Variants in SPART observed in about 807,000 individuals in gnomAD.
SPART encodes spartin, also known as spastic paraplegia 20 (Troyer syndrome).
SPART carries 35 observed loss-of-function variants against 58.7 expected under a neutral mutation model. The observed-to-expected ratio is 0.60, with a 90% CI of 0.46 to 0.79. The LOEUF (loss-of-function observed/expected upper bound fraction) is 0.79, where lower values mean the gene tolerates loss of function less well. Among genes scored for constraint, SPART ranks in the 30% least tolerant of loss-of-function variants. SPART has a pLI of 0.00. For synonymous variants in SPART, 284 were observed against 280.7 expected, an observed-to-expected ratio of 1.01 and a Z score of -0.12; for missense variants, 730 against 786.1, an observed-to-expected ratio of 0.93 and a Z score of 0.85.
intron 1 of SPART, chr13:36,368,064 G>A: frequency 3.5e-6 from 1 of 285,420 alleles, no homozygotes; most frequent in South Asian, 3.1e-5. Context: ...GTAAACCTTT[G>A]CCCCTAGTAA....
upstream of SPART, among the ~76,000 whole-genome samples, chr13:36,348,680 T>A (rs1885293577): frequency 6.6e-6 from 1 of 152,170 alleles, no homozygotes; most frequent in Non-Finnish European, 1.5e-5. Flanking sequence ...CATACAACAT[T>A]GCTGAAAGAA....
At chr13:36,347,547 C>T (rs1217096677), upstream of SPART, among the ~76,000 whole-genome samples, 3 of 152,176 alleles carry the variant, frequency 2.0e-5, no homozygotes, top group Non-Finnish European at 4.4e-5. Flanking sequence ...GTCACCGCGC[C>T]TGGCCTTAGG....
At chr13:36,323,324 A>T (rs1379884926) in intron 5 of SPART, among the ~76,000 whole-genome samples, 3 of 152,202 alleles carry the variant, frequency 2.0e-5, no homozygotes, top group Non-Finnish European at 4.4e-5. Context: ...CCATCAGTTT[A>T]TTGTCAGCAA....
intron 2 of SPART, 89 bp downstream of exon 2, chr13:36,334,932 C>T: frequency 3.9e-6 from 4 of 1,038,864 alleles, no homozygotes; most frequent in East Asian, 4.7e-5. Context: ...TATCTTTTTG[C>T]ACTTATACTG....
intron 1 of SPART, among the ~76,000 whole-genome samples, chr13:36,367,603 C>T (rs1343213399): frequency 6.6e-6 from 1 of 150,980 alleles, no homozygotes; most frequent in Non-Finnish European, 1.5e-5. Context: ...GCTCTTAAAA[C>T]CATTTAAAAA....
rs762711551 is a variant in SPART, at chr13:36,314,395, C to G, written c.1315G>C (p.Val439Leu). The G allele has an allele frequency of 6.2e-7, 1 of 1,614,116 alleles. No homozygotes were observed. The highest frequency in any genetic ancestry group is 1.1e-5 in the South Asian group (1 of 91,074). The stretch of plus-strand genomic sequence containing the variant: ...TTACCAGTAATCTCAGCACCTTTGA[C>G]TAAACCCCAACTCACCCAGGAAGCA... ...SGASWVSWGL[V>L]KGAEITGKAI... The change falls in exon 6 of 9, where the codon GTC becomes CTC. Residue 439 changes from valine (V) to leucine (L), a missense_variant. Transcript: ENST00000438666.
At chr13:36,349,177 C>T (rs1056243802), upstream of SPART, among the ~76,000 whole-genome samples, 1 of 152,190 alleles carries the variant, frequency 6.6e-6, no homozygotes, top group South Asian at 2.1e-4. Context: ...GCAGGAGACT[C>T]ACTTGAACCC....
intron 5 of SPART, among the ~76,000 whole-genome samples, chr13:36,316,067 G>A (rs957132456): frequency 6.6e-5 from 10 of 152,214 alleles, no homozygotes; most frequent in African/African-American, 2.4e-4. Flanking sequence ...TAAATGGCAT[G>A]TACAATGCCA....
chr13:36,347,470 C>A (rs1885221436), upstream of SPART, among the ~76,000 whole-genome samples: 2 of 152,142 alleles, frequency 1.3e-5, no homozygotes, highest in Non-Finnish European at 2.9e-5. Flanking sequence ...CCAGGCTGGT[C>A]TCGAATTCCT....
At position 36,304,563 on chromosome 13, in the gene SPART, G is replaced by A. The variant is rs560149430; in HGVS notation, c.1803C>T (p.Ala601=). ...VDSAVNVGVT[A]YNINNIGIKA... is the part of the protein sequence containing the mutation. ...TGATACCAATGTTGTTAATATTGTA[G>A]GCAGTTACGCCAACATTGACCGCAG... Residue 601 remains alanine (A), a synonymous_variant, in exon 9 of 9, where the codon GCC becomes GCT. Coordinates refer to ENST00000438666, the MANE Select transcript of SPART (RefSeq NM_015087.5). 2.6e-5 allele frequency: 42 copies of A among 1,614,084 alleles called. No individual in the cohort carries two copies. In the East Asian group the frequency reaches 8.5e-4, roughly 33 times the overall value.
rs373254530 is a variant in SPART, at chr13:36,314,215, G to A, written c.1483+12C>T. On this transcript the variant is annotated intron_variant, in intron 6 of 8. Coordinates refer to ENST00000438666, the MANE Select transcript of SPART (RefSeq NM_015087.5). ...TAACTTTAAAAAGTAAAGTTATCTA[G>A]AATTACTTTACCCAGGAACTGACTG... 1.2e-6 allele frequency: 2 copies of A among 1,611,594 alleles called. No individual in the cohort carries two copies. Among genetic ancestry groups the A allele is most frequent in the Non-Finnish European group, 1.7e-6 (2 of 1,178,066 alleles).
intron 2 of SPART, among the ~76,000 whole-genome samples, chr13:36,333,925 C>T (rs1883708790): frequency 6.6e-6 from 1 of 152,060 alleles, no homozygotes; most frequent in Admixed American, 6.6e-5. Flanking sequence ...TCAATAATGC[C>T]CTCAAAGTAT....
intron 8 of SPART, among the ~76,000 whole-genome samples, chr13:36,311,200 C>T (rs1271290265): frequency 6.6e-6 from 1 of 152,190 alleles, no homozygotes; most frequent in African/African-American, 2.4e-5. Context: ...GTGAAACGCA[C>T]ACTGAAAACA....
intron 8 of SPART, among the ~76,000 whole-genome samples, chr13:36,308,652 T>C (rs1880758197): frequency 6.6e-6 from 1 of 151,846 alleles, no homozygotes; most frequent in South Asian, 2.1e-4. Context: ...TTTTTTTTTT[T>C]TTCATTAGAG....
rs76577621 is a variant in SPART, at chr13:36,329,712, T to C, written c.1009-195A>G. Among the ~76,000 whole-genome samples the C allele has an allele frequency of 8.2e-3, 1,248 of 152,318 alleles. 21 individuals are homozygous for C. The highest frequency in any genetic ancestry group is 0.053 in the South Asian group (257 of 4,820). ...ACCAAACCCCAAACCTCTGAGTTCT[T>C]TGGTTCATAGCATATGCCTAAGTAA... is the stretch of plus-strand genomic sequence containing the variant. On this transcript the variant is annotated intron_variant, in intron 3 of 8. Transcript: ENST00000438666.
At chr13:36,331,732 A>T in intron 2 of SPART, 136 bp from the exon 3 acceptor site, 1 of 657,996 alleles carries the variant, frequency 1.5e-6, no homozygotes, top group Non-Finnish European at 2.6e-6. Context: ...AGGCTTTAAG[A>T]AACATCAACA....
chr13:36,360,650 T>C (rs375741723), intron 1 of SPART: 1 of 152,790 alleles, frequency 6.5e-6, no homozygotes, highest in East Asian at 1.9e-4. Flanking sequence ...CTCTCTGTTT[T>C]TAGAGATCTG....
intron 1 of SPART, among the ~76,000 whole-genome samples, chr13:36,357,538 T>G (rs1248248712): frequency 6.6e-6 from 1 of 152,196 alleles, no homozygotes; most frequent in African/African-American, 2.4e-5. Flanking sequence ...CCACAGAACT[T>G]CTGTTTAAAC....
At position 36,331,446 on chromosome 13, in the gene SPART, C is replaced by T; in HGVS notation, c.961G>A (p.Glu321Lys). 6.2e-7 allele frequency: 1 copy of T among 1,614,082 alleles called. No homozygotes were observed. The highest frequency in any genetic ancestry group is 8.5e-7 in the Non-Finnish European group (1 of 1,180,014). ...LSSELPEDDR[E>K]LFEDLLRQMS... ...TGCCTTAACAGATCCTCAAAGAGCT[C>T]TCTATCATCCTCTGGTAACTCAGAG... Residue 321 changes from glutamate (E) to lysine (K), a missense_variant, in exon 3 of 9, where the codon GAG becomes AAG. By Grantham distance (56) the Glu-to-Lys change is moderately conservative. Coordinates refer to ENST00000438666, the MANE Select transcript of SPART (RefSeq NM_015087.5).
Sources: gnomAD v4.1 joint callset for allele counts (sites outside exome capture counted in the v4.1 genomes callset) on GRCh38, gnomAD v4.1.1 for gene constraint, MANE v1.5 for transcripts, NCBI Gene and HGNC (gene_info 2026-07-23, HGNC 2026-07-21) for gene names.